Variants in PKP4 observed in about 807,000 individuals in gnomAD.
The protein encoded by PKP4 is plakophilin-4.
A neutral mutation model predicts 145.1 loss-of-function variants in PKP4; 90 were observed. The observed-to-expected ratio is 0.62, with a 90% CI of 0.52 to 0.74. The LOEUF (loss-of-function observed/expected upper bound fraction) is 0.74, where lower values mean the gene tolerates loss of function less well. PKP4 is among the 30% of genes least tolerant of loss of function. PKP4 has a pLI of 0.00. For synonymous variants in PKP4, 563 were observed against 577.2 expected (o/e 0.98, Z 0.35); for missense variants, 1,340 against 1,482.7 (o/e 0.90, Z 1.58).
chr2:158,640,621 A>T lies in PKP4; in HGVS notation c.1563-6A>T. 6.2e-6 allele frequency: 10 copies of T among 1,611,710 alleles called. No homozygotes were observed. Among genetic ancestry groups the T allele is most frequent in the South Asian group, 1.1e-5 (1 of 90,890 alleles). On this transcript the variant is annotated splice_polypyrimidine_tract_variant and splice_region_variant and intron_variant, in intron 9 of 21. Coordinates refer to ENST00000389759, the MANE Select transcript of PKP4 (RefSeq NM_003628.6). The stretch of plus-strand genomic sequence containing the variant: ...TCCTTTCTGAAGCCATGTTTTTCTC[A>T]TGTAGGGAGTTTGCCTGGCGTGATC...
intron 1 of PKP4, among the ~76,000 whole-genome samples, chr2:158,490,423 T>C (rs532109880): frequency 6.6e-6 from 1 of 151,856 alleles, no homozygotes; most frequent in African/African-American, 2.4e-5. Flanking sequence ...TTTTAGGGGG[T>C]TAAAAGATGC....
intron 21 of PKP4, 55 bp downstream of exon 21, chr2:158,678,709 G>C (rs1289414938): frequency 8.9e-7 from 1 of 1,129,072 alleles, no homozygotes; most frequent in African/African-American, 1.5e-5. Flanking sequence ...ACACAGTAAG[G>C]GGTCCACGTC....
intron 2 of PKP4, among the ~76,000 whole-genome samples, chr2:158,537,985 C>G (rs2044200329): frequency 6.6e-6 from 1 of 152,118 alleles, no homozygotes; most frequent in Non-Finnish European, 1.5e-5. Flanking sequence ...CCACTGCACT[C>G]CAGCCTGGGT....
chr2:158,563,432 A>G (rs2046707375), intron 2 of PKP4, among the ~76,000 whole-genome samples: 1 of 152,174 alleles, frequency 6.6e-6, no homozygotes, highest in African/African-American at 2.4e-5. Context: ...TGCATATTCT[A>G]GCATAGATGT....
intron 1 of PKP4, among the ~76,000 whole-genome samples, chr2:158,478,867 T>A (rs1259163643): frequency 6.6e-6 from 1 of 152,226 alleles, no homozygotes; most frequent in Non-Finnish European, 1.5e-5. Context: ...GAAGTTGGTG[T>A]TTATCCTCTT....
rs759628340 is a variant in PKP4, at chr2:158,661,466, G to A, written c.2211+16G>A. 1 of 1,521,502 alleles carries A rather than the reference G, an allele frequency of 6.6e-7. No individual in the cohort carries two copies. The highest frequency in any genetic ancestry group is 2.3e-5 in the East Asian group (1 of 44,274). The allele number at this position is 1,521,502 out of a possible 1,614,324, so 94.3% of individuals were successfully genotyped here. ...CGACAGCAAGGTCAGTGCCGGCCTG[G>A]TTGCAGGAGGGCGTGGTGGCAGGTG... is the stretch of plus-strand genomic sequence containing the variant. On this transcript the variant is annotated intron_variant, in intron 13 of 21. Transcript: ENST00000389759.
chr2:158,483,021 G>C (rs1182603176), intron 1 of PKP4, among the ~76,000 whole-genome samples: 2 of 152,118 alleles, frequency 1.3e-5, no homozygotes, highest in African/African-American at 4.8e-5. Flanking sequence ...TTTATGGCTA[G>C]GTCCTGAAAT....
At chr2:158,673,468 T>C (rs1407650684) in intron 17 of PKP4, among the ~76,000 whole-genome samples, 1 of 152,216 alleles carries the variant, frequency 6.6e-6, no homozygotes, top group Non-Finnish European at 1.5e-5. Flanking sequence ...CCTGATGGCC[T>C]CACTTCAGTT....
rs2054377258 is a variant in PKP4 at position 158,642,432 on chromosome 2, TC to T, written c.1696-53del. ...CTCTCCATAACGGACTTCTGTATGA[TC>T]ACTGATTAATTGCATGTTACTTAGG... On this transcript the variant is annotated intron_variant, in intron 10 of 21. Transcript: ENST00000389759. The T allele has an allele frequency of 3.1e-6, 4 of 1,308,466 alleles. No homozygotes were observed. The East Asian group carries it at 9.3e-5, about 30-fold the overall frequency. 81.1% of individuals were successfully genotyped at this position (1,308,466 alleles called of 1,614,324 possible).
At chr2:158,543,497 G>A (rs2044701135) in intron 2 of PKP4, among the ~76,000 whole-genome samples, 1 of 152,174 alleles carries the variant, frequency 6.6e-6, no homozygotes, top group Non-Finnish European at 1.5e-5. Context: ...GGCTAATGGT[G>A]TCTCCATGCA....
rs1484688069 is a variant in PKP4 at position 158,680,491 on chromosome 2, G to T, written c.3393G>T (p.Leu1131Phe). 1 of 1,613,338 alleles carries T rather than the reference G, an allele frequency of 6.2e-7. No individual in the cohort carries two copies. The highest frequency in any genetic ancestry group is 2.2e-5 in the East Asian group (1 of 44,874). Residue 1131 changes from leucine (L) to phenylalanine (F), a missense_variant, in exon 22 of 22, where the codon TTG becomes TTT. Coordinates refer to ENST00000389759, the MANE Select transcript of PKP4 (RefSeq NM_003628.6). ...GAAAGAACTTTGATGCATACAGATT[G>T]TATTTGCAGTCTCCTCATAGCTATG... ...SNRKNFDAYR[L>F]YLQSPHSYED...
chr2:158,511,113 G>A (rs981714599), intron 1 of PKP4, among the ~76,000 whole-genome samples: 36 of 152,184 alleles, frequency 2.4e-4, no homozygotes, highest in African/African-American at 7.0e-4. Flanking sequence ...GGGGCTGAGC[G>A]CGGTGGCTCA....
At chr2:158,623,468 C>T (rs2052454854) in intron 6 of PKP4, among the ~76,000 whole-genome samples, 1 of 152,098 alleles carries the variant, frequency 6.6e-6, no homozygotes, top group Admixed American at 6.5e-5. Flanking sequence ...TAGGTGTCAG[C>T]CACCACACCC....
intron 11 of PKP4, among the ~76,000 whole-genome samples, chr2:158,644,235 T>C (rs970275246): frequency 8.5e-5 from 13 of 152,310 alleles, no homozygotes; most frequent in Non-Finnish European, 1.6e-4. Flanking sequence ...ACCAACAGTC[T>C]ACTGATAACA....
intron 1 of PKP4, among the ~76,000 whole-genome samples, chr2:158,502,708 T>C (rs1262082438): frequency 6.6e-6 from 1 of 152,172 alleles, no homozygotes; most frequent in Non-Finnish European, 1.5e-5. Context: ...TTGCAATTGG[T>C]GCAGATGGAC....
intron 2 of PKP4, among the ~76,000 whole-genome samples, chr2:158,549,826 C>T (rs1313907806): frequency 6.6e-6 from 1 of 152,106 alleles, no homozygotes; most frequent in Non-Finnish European, 1.5e-5. Context: ...AGTTTATTTT[C>T]ATAAAACATG....
At chr2:158,488,553 A>G (rs142818095) in intron 1 of PKP4, among the ~76,000 whole-genome samples, 3 of 152,198 alleles carry the variant, frequency 2.0e-5, no homozygotes, top group African/African-American at 4.8e-5. Context: ...TCTGTTTGAC[A>G]CTCACTGTCT....
intron 2 of PKP4, among the ~76,000 whole-genome samples, chr2:158,565,035 A>G (rs1477603241): frequency 2.0e-5 from 3 of 152,224 alleles, no homozygotes; most frequent in Non-Finnish European, 4.4e-5. Context: ...AAGAGCAAGA[A>G]TTTAGAATTT....
At chr2:158,654,606 C>G (rs1410768144) in intron 11 of PKP4, among the ~76,000 whole-genome samples, 1 of 152,114 alleles carries the variant, frequency 6.6e-6, no homozygotes, top group African/African-American at 2.4e-5. Context: ...TCTCCTATCC[C>G]CGTAACTAAG....
Sources: gnomAD v4.1 joint callset for allele counts (sites outside exome capture counted in the v4.1 genomes callset) on GRCh38, gnomAD v4.1.1 for gene constraint, MANE v1.5 for transcripts, NCBI Gene and HGNC (gene_info 2026-07-23, HGNC 2026-07-21) for gene names.